Variants in DDX10 observed in about 807,000 individuals in gnomAD.
DDX10 encodes the protein probable ATP-dependent RNA helicase DDX10.
A neutral mutation model predicts 104.3 loss-of-function variants in DDX10; 74 were observed. That is an observed-to-expected ratio of 0.71 (90% CI 0.59 to 0.86). The LOEUF (loss-of-function observed/expected upper bound fraction) is 0.86, where lower values mean the gene tolerates loss of function less well. Ranked by LOEUF, DDX10 falls within the 40% of genes least tolerant of loss-of-function variation. The pLI, the probability that DDX10 is intolerant of heterozygous loss-of-function variation, is 0.00. For missense variants in DDX10, 952 were observed against 1,040.0 expected (o/e 0.92, Z 1.16); for synonymous variants, 351 against 353.4 (o/e 0.99, Z 0.08).
intron 6 of DDX10, among the ~76,000 whole-genome samples, chr11:108,686,728 C>T (rs926758858): frequency 1.1e-4 from 17 of 152,218 alleles, no homozygotes; most frequent in African/African-American, 3.4e-4. Flanking sequence ...TTTGTGTGGA[C>T]GTATGTTTTC....
intron 13 of DDX10, among the ~76,000 whole-genome samples, chr11:108,831,803 A>G (rs766659921): frequency 1.6e-4 from 24 of 152,150 alleles, no homozygotes; most frequent in Non-Finnish European, 2.6e-4. Context: ...GTTAGCTAAC[A>G]TGGTCCTTAT....
At chr11:108,886,239 C>T (rs779750401) in intron 16 of DDX10, among the ~76,000 whole-genome samples, 10 of 152,050 alleles carry the variant, frequency 6.6e-5, no homozygotes, top group Non-Finnish European at 1.3e-4. Flanking sequence ...ATTTGCCAGG[C>T]GCTGTGAAAG....
intron 13 of DDX10, among the ~76,000 whole-genome samples, chr11:108,792,567 T>G (rs1242777967): frequency 2.6e-5 from 4 of 152,214 alleles, no homozygotes; most frequent in Non-Finnish European, 5.9e-5. Context: ...GTTTATCATA[T>G]TCATATGAAT....
intron 13 of DDX10, among the ~76,000 whole-genome samples, chr11:108,782,519 C>T (rs1438027604): frequency 6.6e-6 from 1 of 152,134 alleles, no homozygotes. Flanking sequence ...AGACAATACT[C>T]ATCTACCATA....
chr11:108,708,607 G>A (rs190801767), intron 10 of DDX10, among the ~76,000 whole-genome samples: 18 of 146,634 alleles, frequency 1.2e-4, no homozygotes, highest in Middle Eastern at 3.6e-3. Context: ...TTGCTCTGTC[G>A]TTCAGGCTAG....
intron 16 of DDX10, among the ~76,000 whole-genome samples, chr11:108,869,897 C>A (rs1467680660): frequency 6.6e-6 from 1 of 152,068 alleles, no homozygotes; most frequent in Non-Finnish European, 1.5e-5. Context: ...GCCTTCACTT[C>A]TTTCATTCTT....
At position 108,841,358 on chromosome 11, in the gene DDX10, A is replaced by T; in HGVS notation, c.2129A>T (p.Asp710Val). ...WPQMQKSAIK[D>V]AEEDDDTGGI... The stretch of plus-strand genomic sequence containing the variant: ...CAAATGCAGAAATCTGCCATCAAGG[A>T]TGCTGAGGAAGATGATGACACAGGT... Residue 710 changes from aspartate to valine, a missense_variant, in exon 15 of 18, where the codon GAT becomes GTT. Coordinates refer to ENST00000322536, the MANE Select transcript of DDX10 (RefSeq NM_004398.4). 2 of 1,613,732 alleles carry T rather than the reference A, an allele frequency of 1.2e-6. No homozygotes were observed. The highest frequency in any genetic ancestry group is 8.5e-7 in the Non-Finnish European group (1 of 1,179,890).
intron 13 of DDX10, among the ~76,000 whole-genome samples, chr11:108,750,896 T>C (rs1295722039): frequency 7.3e-6 from 1 of 136,694 alleles, no homozygotes; most frequent in African/African-American, 2.6e-5. Flanking sequence ...TAGCTAGAAC[T>C]AAATACATGT....
At chr11:108,904,846 C>T (rs1863569133) in intron 16 of DDX10, among the ~76,000 whole-genome samples, 1 of 151,990 alleles carries the variant, frequency 6.6e-6, no homozygotes, top group African/African-American at 2.4e-5. Flanking sequence ...TGAAATGTTA[C>T]TCTTACCCTT....
intron 13 of DDX10, among the ~76,000 whole-genome samples, chr11:108,811,156 A>G (rs1862175044): frequency 6.6e-6 from 1 of 152,184 alleles, no homozygotes; most frequent in East Asian, 1.9e-4. Flanking sequence ...TCAGCAGTGT[A>G]CCCAGTACAG....
At chr11:108,847,480 T>C (rs1196003334) in intron 15 of DDX10, among the ~76,000 whole-genome samples, 1 of 152,188 alleles carries the variant, frequency 6.6e-6, no homozygotes, top group African/African-American at 2.4e-5. Flanking sequence ...TTAGATAACA[T>C]AAACATGTCA....
In DDX10 at chr11:108,677,168, C is replaced by T. The variant is rs775676914; in HGVS notation, c.462C>T (p.Ala154=). 6.2e-7 allele frequency: 1 copy of T among 1,613,914 alleles called. No homozygotes were observed. Among genetic ancestry groups the T allele is most frequent in the African/African-American group, 1.3e-5 (1 of 74,958 alleles). ...VLIISPTREL[A]YQTFEVLRKV... ...TAATATCACCTACGAGAGAACTGGC[C>T]TATCAGACCTTTGAGGTTCTCCGAA... The change falls in exon 4 of 18, where the codon GCC becomes GCT. Residue 154 remains alanine (A), a synonymous_variant. Transcript: ENST00000322536.
chr11:108,858,458 A>T (rs912042519), intron 16 of DDX10, among the ~76,000 whole-genome samples: 1 of 152,212 alleles, frequency 6.6e-6, no homozygotes, highest in African/African-American at 2.4e-5. Flanking sequence ...ATGCTATGTC[A>T]GTTATAAGAT....
chr11:108,780,932 T>C (rs1565276333), intron 13 of DDX10, among the ~76,000 whole-genome samples: 1 of 152,220 alleles, frequency 6.6e-6, no homozygotes, highest in Non-Finnish European at 1.5e-5. Flanking sequence ...GCAGTAGTTT[T>C]TCTTTTTTTA....
intron 13 of DDX10, among the ~76,000 whole-genome samples, chr11:108,790,915 C>T (rs1591819075): frequency 6.6e-6 from 1 of 152,302 alleles, no homozygotes; most frequent in South Asian, 2.1e-4. Context: ...TAATGGTTCC[C>T]ATTTATCTAC....
At chr11:108,906,677 A>G (rs1863601061) in intron 16 of DDX10, among the ~76,000 whole-genome samples, 1 of 152,232 alleles carries the variant, frequency 6.6e-6, no homozygotes, top group African/African-American at 2.4e-5. Flanking sequence ...TTTACTTAAT[A>G]TCTTATTTAG....
At chr11:108,754,739 C>G (rs986530086) in intron 13 of DDX10, among the ~76,000 whole-genome samples, 3 of 151,926 alleles carry the variant, frequency 2.0e-5, no homozygotes, top group African/African-American at 7.2e-5. Context: ...ATTCTGTTTT[C>G]TTGTTCATAA....
In DDX10 at chr11:108,789,639, A is replaced by G. The variant is rs1256729474; in HGVS notation, c.1966-48807A>G. Among the ~76,000 whole-genome samples, 13 of 152,174 alleles carry G rather than the reference A, an allele frequency of 8.5e-5. No individual in the cohort carries two copies. In the East Asian group the frequency reaches 9.6e-4, roughly 11 times the overall value. On this transcript the variant is annotated intron_variant, in intron 13 of 17. Coordinates refer to ENST00000322536, the MANE Select transcript of DDX10 (RefSeq NM_004398.4). ...TTGTCAGCAGAATGACTGAAGTTCT[A>G]CTTCTTGTTTATAAAGCCAAACTTG...
intron 17 of DDX10, among the ~76,000 whole-genome samples, chr11:108,926,874 G>T (rs1331996455): frequency 1.3e-5 from 2 of 152,190 alleles, no homozygotes; most frequent in Non-Finnish European, 2.9e-5. Flanking sequence ...CATGTATTAG[G>T]TTTAAATTAT....
Sources: allele counts gnomAD v4.1 joint callset (sites outside exome capture counted in the v4.1 genomes callset), GRCh38; gene constraint gnomAD v4.1.1; transcripts MANE v1.5; gene names NCBI Gene and HGNC (gene_info 2026-07-23, HGNC 2026-07-21).